CAAP1: variants seen among roughly 807,000 people sequenced by gnomAD.
The protein encoded by CAAP1 is conserved anti-apoptotic protein.
In CAAP1, 20 loss-of-function variants were observed where a neutral mutation model predicts 34.0. The ratio of observed to expected loss-of-function variants is 0.59; its 90% CI spans 0.41 to 0.86. The LOEUF is 0.86. CAAP1 is among the 40% of genes least tolerant of loss of function. CAAP1 has a pLI of 0.00. For missense variants in CAAP1, 538 were observed against 450.5 expected, an observed-to-expected ratio of 1.19 and a Z score of -1.76; for synonymous variants, 213 against 166.7, an observed-to-expected ratio of 1.28 and a Z score of -2.14.
intron 4 of CAAP1, among the ~76,000 whole-genome samples, chr9:26,876,065 A>G (rs969328296): frequency 2.0e-5 from 3 of 152,208 alleles, no homozygotes; most frequent in Non-Finnish European, 2.9e-5. Context: ...GTCCAAAATA[A>G]GTCTTAAGAA....
At chr9:26,865,642 T>G (rs1347961485) in intron 4 of CAAP1, among the ~76,000 whole-genome samples, 1 of 152,200 alleles carries the variant, frequency 6.6e-6, no homozygotes, top group Non-Finnish European at 1.5e-5. Flanking sequence ...CTGTTACAGA[T>G]TCCAAGTAAA....
rs373158528 is a variant in CAAP1, at chr9:26,890,910, AC to A, written c.303+1502del. Among the ~76,000 whole-genome samples, 828 of 152,310 alleles carry A rather than the reference AC, an allele frequency of 5.4e-3. 2 individuals are homozygous for A. The highest frequency in any genetic ancestry group is 0.02 in the Middle Eastern group (6 of 294). ...CAGTGAGCCGGGATCACGCCACTGC[AC>A]TCCGGCCTGGGCAACAGAGCGAGAC... On this transcript the variant is annotated intron_variant, in intron 1 of 5. Transcript: ENST00000333916.
chr9:26,885,322 G>A (rs911438799), intron 3 of CAAP1, among the ~76,000 whole-genome samples: 3 of 151,966 alleles, frequency 2.0e-5, no homozygotes, highest in South Asian at 2.1e-4. Flanking sequence ...TGATCCGCCC[G>A]CCTCAGCCTC....
At chr9:26,864,151 G>C (rs1198890358) in intron 4 of CAAP1, among the ~76,000 whole-genome samples, 1 of 152,070 alleles carries the variant, frequency 6.6e-6, no homozygotes, top group Non-Finnish European at 1.5e-5. Context: ...AATCACAAGA[G>C]AGCCCTATAC....
chr9:26,873,479 T>C (rs995805460), intron 4 of CAAP1, among the ~76,000 whole-genome samples: 5 of 152,236 alleles, frequency 3.3e-5, no homozygotes, highest in Admixed American at 6.5e-5. Context: ...CCCTACAGTA[T>C]ACTTTTATTC....
intron 5 of CAAP1, among the ~76,000 whole-genome samples, chr9:26,856,132 G>C (rs1013888627): frequency 6.7e-6 from 1 of 149,812 alleles, no homozygotes; most frequent in Non-Finnish European, 1.5e-5. Context: ...TTTAAAAGGG[G>C]GGGGGTAGAA....
At chr9:26,860,818 T>G (rs192880647) in intron 5 of CAAP1, among the ~76,000 whole-genome samples, 30 of 152,204 alleles carry the variant, frequency 2.0e-4, no homozygotes, top group Admixed American at 1.4e-3. Context: ...AAATTTAATT[T>G]AATAAATTAC....
At chr9:26,851,314 T>A (rs1026091730) in intron 5 of CAAP1, among the ~76,000 whole-genome samples, 4 of 151,926 alleles carry the variant, frequency 2.6e-5, no homozygotes, top group African/African-American at 9.7e-5. Flanking sequence ...ATCTAATAGG[T>A]GATATTAACA....
intron 1 of CAAP1, among the ~76,000 whole-genome samples, chr9:26,891,335 T>TA (rs967466549): frequency 2.0e-5 from 3 of 152,194 alleles, no homozygotes; most frequent in South Asian, 2.1e-4. Flanking sequence ...GCAATTTTTT[T>TA]AAAAAATGCC....
intron 5 of CAAP1, among the ~76,000 whole-genome samples, chr9:26,859,508 T>C (rs192353767): frequency 6.6e-6 from 1 of 152,292 alleles, no homozygotes; most frequent in East Asian, 1.9e-4. Context: ...CCTCAGATGA[T>C]GTAATAGCAT....
At chr9:26,866,297 T>C (rs1406463965) in intron 4 of CAAP1, among the ~76,000 whole-genome samples, 1 of 152,186 alleles carries the variant, frequency 6.6e-6, no homozygotes, top group East Asian at 1.9e-4. Context: ...CATTATTATA[T>C]GGAAGAAATA....
intron 1 of CAAP1, among the ~76,000 whole-genome samples, chr9:26,889,428 A>G (rs1823843164): frequency 6.6e-6 from 1 of 152,098 alleles, no homozygotes; most frequent in Non-Finnish European, 1.5e-5. Context: ...CAAAAAAACA[A>G]AAACAAAAAC....
chr9:26,891,376 T>C (rs1165742362), intron 1 of CAAP1, among the ~76,000 whole-genome samples: 1 of 152,168 alleles, frequency 6.6e-6, no homozygotes, highest in African/African-American at 2.4e-5. Context: ...TAGTTAAGAA[T>C]CTCAGAAATA....
intron 3 of CAAP1, among the ~76,000 whole-genome samples, chr9:26,885,136 G>A (rs1344920164): frequency 6.7e-6 from 1 of 148,634 alleles, no homozygotes; most frequent in Admixed American, 6.7e-5. Context: ...GTGTGCAGTG[G>A]CATGACCTCG....
Position 26,853,463 on chromosome 9 carries a change from A to G in CAAP1, c.739+7603T>C, listed in dbSNP as rs1221294910. Among the ~76,000 whole-genome samples the G allele has an allele frequency of 3.3e-5, 5 of 152,228 alleles. No individual in the cohort carries two copies. The East Asian group carries it at 9.6e-4, about 29-fold the overall frequency. On this transcript the variant is annotated intron_variant, in intron 5 of 5. Transcript: ENST00000333916. ...GAAGTCTGAATTGTAGAAATAAGTT[A>G]GTAGTTGCCAGTCTTAAAACTACAT...
At chr9:26,892,313 G>A in intron 1 of CAAP1, 100 bp downstream of exon 1, 1 of 1,545,842 alleles carries the variant, frequency 6.5e-7, no homozygotes, top group Admixed American at 1.9e-5. Context: ...AGATTGCCGC[G>A]CTAGCAGTGA....
chr9:26,844,441 A>C (rs1284218566), intron 5 of CAAP1, among the ~76,000 whole-genome samples: 2 of 152,240 alleles, frequency 1.3e-5, no homozygotes, highest in Non-Finnish European at 2.9e-5. Flanking sequence ...CTAAAATTTA[A>C]AGTGTATAGT....
At position 26,842,605 on chromosome 9, in the gene CAAP1, G is replaced by C. The variant is rs778172386; in HGVS notation, c.782C>G (p.Ala261Gly). Reference protein sequence around the residue: ...DSDVLSINADAYDSDIEGPCN... With the variant: ...DSDVLSINADGYDSDIEGPCN... ...TGGGCCTTCTATGTCGCTGTCATAA[G>C]CATCTGCATTTATACTGAGTACATC... The change falls in exon 6 of 6, where the codon GCT becomes GGT. Residue 261 changes from alanine (A) to glycine (G), a missense_variant. Ala to Gly is a moderately conservative substitution (Grantham distance 60, BLOSUM62 0). This residue lies in a region of CAAP1 where 514 missense variants were observed against 408.4 expected (regional missense o/e 1.26). Transcript: ENST00000333916. 1.5e-5 allele frequency: 24 copies of C among 1,613,898 alleles called. No individual in the cohort carries two copies. The highest frequency in any genetic ancestry group is 3.3e-5 in the Admixed American group (2 of 59,972).
At chr9:26,854,270 T>A (rs1822818526) in intron 5 of CAAP1, among the ~76,000 whole-genome samples, 1 of 152,206 alleles carries the variant, frequency 6.6e-6, no homozygotes, top group African/African-American at 2.4e-5. Flanking sequence ...TAGGCATTCA[T>A]ATTTACTATC....
Sources: allele counts gnomAD v4.1 joint callset (sites outside exome capture counted in the v4.1 genomes callset), GRCh38; gene constraint gnomAD v4.1.1; regional missense constraint gnomAD v4.1.1; transcripts MANE v1.5; gene names NCBI Gene and HGNC (gene_info 2026-07-23, HGNC 2026-07-21).